The following MZT2A variants were observed in gnomAD, a reference collection of about 807,000 sequenced individuals.
The protein encoded by MZT2A is mitotic-spindle organizing protein 2A.
Under a neutral mutation model 12.4 loss-of-function variants are expected in MZT2A, and 8 were observed. The observed-to-expected ratio is 0.64, with a 90% CI of 0.38 to 1.16. The LOEUF (loss-of-function observed/expected upper bound fraction) is 1.16. Ranked by LOEUF, MZT2A falls within the 50% of genes most tolerant of loss-of-function variation. The probability of loss-of-function intolerance (pLI) is 0.01; values close to 1 mark genes in which losing one functional copy is unlikely to be tolerated. For synonymous variants in MZT2A, 88 were observed against 107.5 expected, an observed-to-expected ratio of 0.82 and a Z score of 1.12; for missense variants, 181 against 223.6, an observed-to-expected ratio of 0.81 and a Z score of 1.22.
intron 2 of MZT2A, among the ~76,000 whole-genome samples, chr2:131,486,008 C>G (rs1433665082): frequency 4.0e-5 from 6 of 151,696 alleles, no homozygotes; most frequent in African/African-American, 1.5e-4. Context: ...AGAATGAGAT[C>G]TTTGCTCATT....
downstream of MZT2A, chr2:131,480,575 C>T (rs749066528): frequency 6.2e-7 from 1 of 1,611,506 alleles, no homozygotes; most frequent in South Asian, 1.1e-5. Flanking sequence ...TCACCAATGC[C>T]TGCTTCGAGC....
At chr2:131,482,203 A>T (rs1362829127), downstream of MZT2A, among the ~76,000 whole-genome samples, 1 of 152,208 alleles carries the variant, frequency 6.6e-6, no homozygotes, top group Admixed American at 6.5e-5. Flanking sequence ...TGGGTGGAAG[A>T]AGTTTAGCTA....
At chr2:131,489,678 A>C in intron 2 of MZT2A, 1 of 186,478 alleles carries the variant, frequency 5.4e-6, no homozygotes, top group Non-Finnish European at 1.0e-5. Context: ...CTGCCTGGCT[A>C]GTTTTTGTAT....
At chr2:131,492,770 G>T (rs1573881150), upstream of MZT2A, 2 of 1,353,810 alleles carry the variant, frequency 1.5e-6, no homozygotes, top group East Asian at 8.9e-5. Context: ...GCACCACTAG[G>T]GGTCGCTCTT....
chr2:131,492,750 C>A, upstream of MZT2A: 1 of 1,311,092 alleles, frequency 7.6e-7, no homozygotes, highest in South Asian at 1.4e-5. Context: ...ATTTTCTGGT[C>A]CGCACCGGTG....
At chr2:131,482,794 A>G, downstream of MZT2A, 1 of 1,614,116 alleles carries the variant, frequency 6.2e-7, no homozygotes, top group Admixed American at 1.7e-5. Context: ...AGGATTATGA[A>G]GAGGTGGGCG....
intron 3 of MZT2A, chr2:131,470,387 T>C (rs1286936838): frequency 8.0e-7 from 1 of 1,248,984 alleles, no homozygotes; most frequent in East Asian, 5.6e-5. Context: ...TTAACAAAGG[T>C]CTGGAAGGCT....
At chr2:131,480,659 C>G, downstream of MZT2A, 1 of 1,613,844 alleles carries the variant, frequency 6.2e-7, no homozygotes, top group Non-Finnish European at 8.5e-7. Flanking sequence ...ACAGGGGGGA[C>G]GTGGTCCCCA....
At chr2:131,472,123 C>T (rs1431437467) in exon 3 of MZT2A, 8 of 1,290,308 alleles carry the variant, frequency 6.2e-6, no homozygotes, top group South Asian at 1.2e-5. Flanking sequence ...CTCTGGCCCC[C>T]GTAGCTGCTG....
downstream of MZT2A, chr2:131,479,291 C>T (rs761583522): frequency 1.2e-6 from 2 of 1,612,828 alleles, no homozygotes; most frequent in South Asian, 1.1e-5. Flanking sequence ...TCACAGCACA[C>T]ACTGTCTCTT....
At chr2:131,486,311 C>G (rs1679048452) in intron 2 of MZT2A, 1 of 166,894 alleles carries the variant, frequency 6.0e-6, no homozygotes, top group Non-Finnish European at 1.5e-5. Flanking sequence ...CGGGACCCAC[C>G]ACCCTGCAGC....
At chr2:131,481,439 T>TTTC (rs1485057412), downstream of MZT2A, among the ~76,000 whole-genome samples, 1 of 146,830 alleles carries the variant, frequency 6.8e-6, no homozygotes, top group Non-Finnish European at 1.5e-5. Context: ...CGGGTAATTT[T>TTTC]TTTTTTTTTT....
intron 2 of MZT2A, among the ~76,000 whole-genome samples, chr2:131,486,155 T>C (rs1679043219): frequency 6.6e-6 from 1 of 150,968 alleles, no homozygotes; most frequent in Non-Finnish European, 1.5e-5. Context: ...TGGTGGGTGA[T>C]GATTGGCCAC....
intron 2 of MZT2A, chr2:131,486,672 C>G (rs184907970): frequency 1.2e-4 from 18 of 151,652 alleles, no homozygotes; most frequent in African/African-American, 4.4e-4. Context: ...GTCACCTGGT[C>G]TAGAGCACAG....
At chr2:131,473,541 G>A (rs1678536852) in intron 2 of MZT2A, among the ~76,000 whole-genome samples, 1 of 151,130 alleles carries the variant, frequency 6.6e-6, no homozygotes. Flanking sequence ...TGAGCTGGGG[G>A]TAAGCCAGCA....
At chr2:131,481,478 C>T (rs113646399), downstream of MZT2A, among the ~76,000 whole-genome samples, 8,896 of 149,414 alleles carry the variant, frequency 0.06, 311 homozygotes, top group Non-Finnish European at 0.084. Context: ...CTCTGTCGCC[C>T]GGGTTGGAAT....
At chr2:131,492,849 G>A, upstream of MZT2A, 1 of 1,482,404 alleles carries the variant, frequency 6.7e-7, no homozygotes, top group Non-Finnish European at 9.0e-7. Flanking sequence ...TAGGGAGAAA[G>A]TGCGTGAGCC....
intron 2 of MZT2A, among the ~76,000 whole-genome samples, chr2:131,488,526 GC>G (rs1490536318): frequency 6.6e-6 from 1 of 152,110 alleles, no homozygotes; most frequent in Non-Finnish European, 1.5e-5. Context: ...TGGCCTCCAT[GC>G]CCCTCCCCCC....
downstream of MZT2A, chr2:131,480,792 G>A (rs1370765685): frequency 8.9e-6 from 14 of 1,568,480 alleles, no homozygotes; most frequent in Non-Finnish European, 1.1e-5. Context: ...AGCAGCAGAT[G>A]CACAAAATAA....
Sources: gnomAD v4.1 joint callset for allele counts (sites outside exome capture counted in the v4.1 genomes callset) on GRCh38, gnomAD v4.1.1 for gene constraint, MANE v1.5 for transcripts, NCBI Gene and HGNC (gene_info 2026-07-23, HGNC 2026-07-21) for gene names.